MAP2: variants seen among roughly 807,000 people sequenced by gnomAD.
MAP2 encodes the protein microtubule-associated protein 2.
MAP2 carries 14 observed loss-of-function variants against 137.6 expected under a neutral mutation model. The observed-to-expected ratio is 0.10, with a 90% CI of 0.07 to 0.16. The LOEUF (loss-of-function observed/expected upper bound fraction) is 0.16. Ranked by LOEUF, MAP2 falls within the 10% of genes least tolerant of loss-of-function variation. The pLI is 1.00. For synonymous variants in MAP2, 786 were observed against 782.3 expected (o/e 1.00, Z -0.08); for missense variants, 2,088 against 2,191.5 (o/e 0.95, Z 0.94).
chr2:209,525,212 A>T (rs1422466034), intron 2 of MAP2, among the ~76,000 whole-genome samples: 1 of 152,130 alleles, frequency 6.6e-6, no homozygotes, highest in African/African-American at 2.4e-5. Flanking sequence ...TTAGCTACTA[A>T]TTTTTTTAAA....
intron 1 of MAP2, among the ~76,000 whole-genome samples, chr2:209,450,537 C>T (rs1001517066): frequency 3.3e-5 from 5 of 152,170 alleles, no homozygotes; most frequent in African/African-American, 9.6e-5. Flanking sequence ...GTATAAATCA[C>T]ATATTTTTAC....
intron 5 of MAP2, among the ~76,000 whole-genome samples, chr2:209,660,455 G>A (rs1468334059): frequency 6.6e-5 from 9 of 137,046 alleles, no homozygotes; most frequent in Non-Finnish European, 1.4e-4. Context: ...GTGCAGTGGC[G>A]CGATCTCGGC....
intron 1 of MAP2, among the ~76,000 whole-genome samples, chr2:209,495,770 ATACTCATTTCCTATAATTGT>A (rs1216051003): frequency 6.6e-6 from 1 of 152,234 alleles, no homozygotes; most frequent in Non-Finnish European, 1.5e-5. Flanking sequence ...TAAACACTTA[ATACTCATTTCCTATAATTGT>A]TACTCATTTC....
chr2:209,425,085 G>A (rs531783992), intron 1 of MAP2, among the ~76,000 whole-genome samples: 4 of 152,108 alleles, frequency 2.6e-5, no homozygotes, highest in Non-Finnish European at 5.9e-5. Flanking sequence ...TAGGAGTGGG[G>A]AGCTGTATAT....
chr2:209,475,842 T>G (rs1707076311), intron 1 of MAP2, among the ~76,000 whole-genome samples: 1 of 152,160 alleles, frequency 6.6e-6, no homozygotes, highest in South Asian at 2.1e-4. Context: ...GATCACAGTT[T>G]AGCAGTATTC....
rs190064963 is a variant in MAP2 at position 209,691,543 on chromosome 2, G to T, written c.455-1082G>T. ...TCCATACACTTGCTCTTTTAGAGAT[G>T]ATTGAATTTTATTATTTTTCCCCAA... On this transcript the variant is annotated intron_variant, in intron 7 of 15. Coordinates refer to ENST00000682079, the MANE Select transcript of MAP2 (RefSeq NM_001375505.1). Among the ~76,000 whole-genome samples, 291 of 152,230 alleles carry T rather than the reference G, an allele frequency of 1.9e-3. 2 individuals are homozygous for T. The highest frequency in any genetic ancestry group is 0.01 in the Middle Eastern group (3 of 294).
At chr2:209,461,986 G>GC (rs1280759524) in intron 1 of MAP2, among the ~76,000 whole-genome samples, 2 of 151,966 alleles carry the variant, frequency 1.3e-5, no homozygotes, top group African/African-American at 4.8e-5. Context: ...CTCTGGTTTA[G>GC]ATGCCTTTAG....
chr2:209,638,844 A>G (rs1489335663), intron 4 of MAP2, among the ~76,000 whole-genome samples: 1 of 152,108 alleles, frequency 6.6e-6, no homozygotes, highest in African/African-American at 2.4e-5. Flanking sequence ...TCATTTTCCT[A>G]ATGCCTAACA....
intron 4 of MAP2, among the ~76,000 whole-genome samples, chr2:209,636,853 A>G (rs1282307363): frequency 1.3e-5 from 2 of 152,124 alleles, no homozygotes; most frequent in African/African-American, 4.8e-5. Flanking sequence ...AATCACACAG[A>G]AAAACATTCT....
chr2:209,531,575 C>T (rs1371344349), intron 2 of MAP2, among the ~76,000 whole-genome samples: 1 of 152,120 alleles, frequency 6.6e-6, no homozygotes, highest in East Asian at 1.9e-4. Flanking sequence ...GAAAATTTAC[C>T]TTCAATACCC....
At chr2:209,641,741 A>G (rs186707068) in intron 4 of MAP2, among the ~76,000 whole-genome samples, 3 of 152,248 alleles carry the variant, frequency 2.0e-5, no homozygotes, top group Admixed American at 6.5e-5. Flanking sequence ...CTAAAGCTCT[A>G]AAGCATTTTA....
chr2:209,562,897 T>C (rs16843097), intron 2 of MAP2, among the ~76,000 whole-genome samples: 6 of 152,182 alleles, frequency 3.9e-5, no homozygotes, highest in Non-Finnish European at 8.8e-5. Flanking sequence ...TTTGAAAAAT[T>C]GAATCATTAA....
chr2:209,460,778 T>C (rs1411090852), intron 1 of MAP2, among the ~76,000 whole-genome samples: 1 of 152,180 alleles, frequency 6.6e-6, no homozygotes, highest in Non-Finnish European at 1.5e-5. Flanking sequence ...AGACAGAGTC[T>C]CACTGTGTCT....
At chr2:209,624,731 GCT>G (rs1472769585) in intron 3 of MAP2, among the ~76,000 whole-genome samples, 3 of 152,118 alleles carry the variant, frequency 2.0e-5, no homozygotes, top group Non-Finnish European at 4.4e-5. Flanking sequence ...ATGATTGTCT[GCT>G]ATTTATTAGC....
Position 209,695,019 on chromosome 2 carries a change from T to G in MAP2, c.2849T>G (p.Phe950Cys), listed in dbSNP as rs775061918. The change falls in exon 8 of 16, where the codon TTT becomes TGT. Residue 950 changes from phenylalanine to cysteine, a missense_variant. Phe to Cys is a radical substitution (Grantham distance 205). This residue lies in a region of MAP2 where 500 missense variants were observed against 482.9 expected (regional missense o/e 1.04). Coordinates refer to ENST00000682079, the MANE Select transcript of MAP2 (RefSeq NM_001375505.1). ...SGDKSGLSKEFDQEKKANDRL... is the reference protein window; with the variant it reads ...SGDKSGLSKECDQEKKANDRL... Reference sequence around the variant, plus strand: ...GACAAATCAGGACTGAGTAAGGAGTTTGACCAAGAGAAGAAAGCTAATGAT... The same window carrying G: ...GACAAATCAGGACTGAGTAAGGAGTGTGACCAAGAGAAGAAAGCTAATGAT... 2 of 1,613,956 alleles carry G rather than the reference T, an allele frequency of 1.2e-6. No homozygotes were observed. The highest frequency in any genetic ancestry group is 1.7e-6 in the Non-Finnish European group (2 of 1,180,024).
chr2:209,445,410 A>G (rs1698825276), intron 1 of MAP2, among the ~76,000 whole-genome samples: 2 of 151,686 alleles, frequency 1.3e-5, no homozygotes, highest in Non-Finnish European at 3.0e-5. Flanking sequence ...TGACAAGAGT[A>G]TGGTTTCAGT....
At chr2:209,708,223 C>A (rs1003197837) in intron 12 of MAP2, among the ~76,000 whole-genome samples, 1 of 152,146 alleles carries the variant, frequency 6.6e-6, no homozygotes, top group African/African-American at 2.4e-5. Context: ...ATGGAAGTTA[C>A]AAAATGCCAA....
chr2:209,456,474 A>G (rs988663500), intron 1 of MAP2, among the ~76,000 whole-genome samples: 5 of 152,136 alleles, frequency 3.3e-5, no homozygotes, highest in South Asian at 2.1e-4. Flanking sequence ...TAGTGAATCT[A>G]TGTTAGATAT....
chr2:209,704,348 A>G, intron 11 of MAP2: 1 of 965,808 alleles, frequency 1.0e-6, no homozygotes, highest in Non-Finnish European at 1.5e-6. Flanking sequence ...TTCTTATTAA[A>G]AAGACTTTGA....
Sources: gnomAD v4.1 joint callset for allele counts (sites outside exome capture counted in the v4.1 genomes callset) on GRCh38, gnomAD v4.1.1 for gene constraint, gnomAD v4.1.1 regional missense constraint, MANE v1.5 for transcripts, NCBI Gene and HGNC (gene_info 2026-07-23, HGNC 2026-07-21) for gene names.